The following CHODL variants were observed in gnomAD, a reference collection of about 807,000 sequenced individuals.
CHODL encodes the protein chondrolectin.
In CHODL, 29 loss-of-function variants were observed where a neutral mutation model predicts 34.5. The ratio of observed to expected loss-of-function variants is 0.84; its 90% CI spans 0.63 to 1.15. The LOEUF is 1.15. Ranked by LOEUF, CHODL falls within the 50% of genes most tolerant of loss-of-function variation. The pLI is 0.00. For missense variants in CHODL, 332 were observed against 332.5 expected (o/e 1.00, Z 0.01); for synonymous variants, 125 against 116.1 (o/e 1.08, Z -0.49).
In CHODL at chr21:18,061,432, GC is replaced by G. The variant is rs1215202089; in HGVS notation, c.-45+33462del. Among the ~76,000 whole-genome samples, 5 of 152,130 alleles carry G rather than the reference GC, an allele frequency of 3.3e-5. No individual in the cohort carries two copies. In the East Asian group the frequency reaches 9.7e-4, roughly 29 times the overall value. ...AAAGCACTTGAGTTTAGATGAAGAG[GC>G]TGAATAACTGATAGATGACAGAGAT... On this transcript the variant is annotated intron_variant, in intron 2 of 6. Coordinates refer to the CHODL transcript ENST00000400127.
intron 2 of CHODL, among the ~76,000 whole-genome samples, chr21:18,127,284 A>G (rs914953795): frequency 6.6e-6 from 1 of 152,180 alleles, no homozygotes; most frequent in Non-Finnish European, 1.5e-5. Context: ...GCTTTTAATC[A>G]CTTTAAAAGG....
chr21:18,217,611 C>T (rs1036094738), intron 2 of CHODL, among the ~76,000 whole-genome samples: 3 of 152,028 alleles, frequency 2.0e-5, no homozygotes, highest in African/African-American at 7.2e-5. Flanking sequence ...TCACCCTGGC[C>T]CCTCTCAAAT....
chr21:18,103,218 A>T (rs2065235704), intron 2 of CHODL, among the ~76,000 whole-genome samples: 1 of 152,164 alleles, frequency 6.6e-6, no homozygotes, highest in Admixed American at 6.6e-5. Flanking sequence ...AATCTTTTTA[A>T]ACTATGTTTT....
At chr21:18,053,112 T>C (rs1192309331) in intron 2 of CHODL, among the ~76,000 whole-genome samples, 1 of 151,922 alleles carries the variant, frequency 6.6e-6, no homozygotes, top group Non-Finnish European at 1.5e-5. Context: ...AACTATACAG[T>C]ATTATCAGCT....
At chr21:18,003,196 G>A (rs1386536974) in intron 1 of CHODL, among the ~76,000 whole-genome samples, 2 of 149,920 alleles carry the variant, frequency 1.3e-5, no homozygotes, top group South Asian at 2.1e-4. Context: ...CTAGTTTCTC[G>A]TGCATTTCTC....
chr21:18,178,534 T>TA (rs1568924875), intron 2 of CHODL, among the ~76,000 whole-genome samples: 1 of 152,242 alleles, frequency 6.6e-6, no homozygotes, highest in South Asian at 2.1e-4. Context: ...AGTGATAACA[T>TA]AAACTATTGA....
At chr21:18,036,816 A>G (rs2064316660) in intron 2 of CHODL, among the ~76,000 whole-genome samples, 1 of 151,812 alleles carries the variant, frequency 6.6e-6, no homozygotes, top group Non-Finnish European at 1.5e-5. Context: ...AATAATTAGA[A>G]CTCTAATATT....
intron 2 of CHODL, among the ~76,000 whole-genome samples, chr21:18,107,524 A>T (rs903481500): frequency 6.6e-6 from 1 of 152,178 alleles, no homozygotes; most frequent in Admixed American, 6.5e-5. Flanking sequence ...GCATCTGTCC[A>T]TTTTGCTATA....
At chr21:17,963,817 C>T (rs200804) in intron 1 of CHODL, among the ~76,000 whole-genome samples, 92,387 of 151,876 alleles carry the variant, frequency 0.61, 29,218 homozygotes, top group East Asian at 0.77. Flanking sequence ...TCCTCTGTCT[C>T]TCTTATATTC....
In CHODL at chr21:18,245,313, G is replaced by A; in HGVS notation, c.79+11G>A. 1 of 1,516,612 alleles carries A rather than the reference G, an allele frequency of 6.6e-7. No individual in the cohort carries two copies. Among genetic ancestry groups the A allele is most frequent in the Non-Finnish European group, 8.8e-7 (1 of 1,137,848 alleles). The allele number at this position is 1,516,612 out of a possible 1,614,324, so 93.9% of individuals were successfully genotyped here. Reference sequence around the variant, plus strand: ...GCCGCGTGGTCAGCGGTGAGTCAGGGGCCGTCTCCCCGAAGAACGAGCGGG... The same window carrying A: ...GCCGCGTGGTCAGCGGTGAGTCAGGAGCCGTCTCCCCGAAGAACGAGCGGG... On this transcript the variant is annotated intron_variant, in intron 1 of 5. Coordinates refer to ENST00000299295, the MANE Select transcript of CHODL (RefSeq NM_024944.3).
At chr21:18,095,225 T>C (rs892951253) in intron 2 of CHODL, among the ~76,000 whole-genome samples, 6 of 152,012 alleles carry the variant, frequency 3.9e-5, no homozygotes, top group African/African-American at 9.7e-5. Context: ...AAATTTGGCT[T>C]TTTGAAAGTT....
intron 2 of CHODL, among the ~76,000 whole-genome samples, chr21:18,090,333 G>C (rs908965008): frequency 6.6e-6 from 1 of 152,146 alleles, no homozygotes; most frequent in Admixed American, 6.5e-5. Context: ...TCTGTGCCAA[G>C]GATGCCTATT....
intron 2 of CHODL, among the ~76,000 whole-genome samples, chr21:18,146,194 G>C (rs2072886285): frequency 1.3e-5 from 2 of 151,270 alleles, no homozygotes; most frequent in African/African-American, 4.9e-5. Context: ...AGCCAGGATG[G>C]TCTCAATCTC....
intron 2 of CHODL, among the ~76,000 whole-genome samples, chr21:18,194,279 T>C (rs929748732): frequency 1.3e-5 from 2 of 152,162 alleles, no homozygotes; most frequent in Non-Finnish European, 2.9e-5. Flanking sequence ...GTGTTTAAAA[T>C]AAAATAGATT....
intron 2 of CHODL, among the ~76,000 whole-genome samples, chr21:18,136,469 G>A (rs2072729600): frequency 6.6e-6 from 1 of 152,026 alleles, no homozygotes; most frequent in African/African-American, 2.4e-5. Context: ...CCCAGGAATG[G>A]GGATCATCAT....
At chr21:18,159,296 CA>C (rs2073069549) in intron 2 of CHODL, among the ~76,000 whole-genome samples, 2 of 152,164 alleles carry the variant, frequency 1.3e-5, no homozygotes, top group Admixed American at 1.3e-4. Flanking sequence ...TGTTTAAACA[CA>C]AACGTTTGGC....
intron 1 of CHODL, among the ~76,000 whole-genome samples, chr21:18,018,995 A>G (rs1209260664): frequency 6.6e-6 from 1 of 152,122 alleles, no homozygotes; most frequent in Admixed American, 6.5e-5. Flanking sequence ...TAATTACACC[A>G]CTTGTTAAGT....
At chr21:18,124,219 C>T (rs1444365047) in intron 2 of CHODL, among the ~76,000 whole-genome samples, 3 of 152,126 alleles carry the variant, frequency 2.0e-5, no homozygotes, top group South Asian at 2.1e-4. Flanking sequence ...TTGTCAATAT[C>T]GTAAGTCCAG....
At chr21:18,263,265 C>G (rs1389219721) in intron 5 of CHODL, among the ~76,000 whole-genome samples, 1 of 152,062 alleles carries the variant, frequency 6.6e-6, no homozygotes, top group Non-Finnish European at 1.5e-5. Flanking sequence ...AGAATTAATG[C>G]TAAACTTTTC....
Sources: allele counts gnomAD v4.1 joint callset (sites outside exome capture counted in the v4.1 genomes callset), GRCh38; gene constraint gnomAD v4.1.1; transcripts MANE v1.5; gene names NCBI Gene and HGNC (gene_info 2026-07-23, HGNC 2026-07-21).